Variants in PPFIBP2 observed in about 807,000 individuals in gnomAD.
PPFIBP2 encodes the protein liprin-beta-2.
PPFIBP2 carries 118 observed loss-of-function variants against 118.3 expected under a neutral mutation model. The ratio of observed to expected loss-of-function variants is 1.00; its 90% CI spans 0.86 to 1.16. PPFIBP2 has a LOEUF of 1.16. Ranked by LOEUF, PPFIBP2 falls within the 50% of genes most tolerant of loss-of-function variation. PPFIBP2 has a pLI of 0.00. For missense variants in PPFIBP2, 1,195 were observed against 1,073.1 expected (o/e 1.11, Z -1.59); for synonymous variants, 414 against 397.4 (o/e 1.04, Z -0.50).
At chr11:7,533,921 G>A (rs1337567933) in intron 1 of PPFIBP2, among the ~76,000 whole-genome samples, 1 of 152,218 alleles carries the variant, frequency 6.6e-6, no homozygotes, top group African/African-American at 2.4e-5. Flanking sequence ...GAGCAGAGGA[G>A]CATGTCATGA....
At chr11:7,642,542 C>A in intron 17 of PPFIBP2, 116 bp downstream of exon 17, 1 of 1,195,052 alleles carries the variant, frequency 8.4e-7, no homozygotes, top group Admixed American at 2.7e-5. Flanking sequence ...TTTCCATATT[C>A]TCTTCCCCAG....
intron 3 of PPFIBP2, among the ~76,000 whole-genome samples, chr11:7,568,088 A>G (rs1316919321): frequency 6.6e-6 from 1 of 152,210 alleles, no homozygotes; most frequent in Non-Finnish European, 1.5e-5. Flanking sequence ...CTCTGTAGAC[A>G]CATTGGCATT....
chr11:7,603,812 T>G (rs564394523), intron 5 of PPFIBP2, among the ~76,000 whole-genome samples: 12 of 152,266 alleles, frequency 7.9e-5, no homozygotes, highest in Non-Finnish European at 1.5e-4. Context: ...TAAACCTTTA[T>G]TACCCAGTTT....
intron 13 of PPFIBP2, among the ~76,000 whole-genome samples, chr11:7,634,940 A>G (rs1365615889): frequency 6.6e-6 from 1 of 152,162 alleles, no homozygotes; most frequent in Admixed American, 6.5e-5. Flanking sequence ...GGGACATCGT[A>G]TAGATTTTTT....
intron 1 of PPFIBP2, among the ~76,000 whole-genome samples, chr11:7,522,738 G>T (rs984889262): frequency 6.6e-6 from 1 of 152,198 alleles, no homozygotes; most frequent in Admixed American, 6.5e-5. Context: ...GGGCCCGAAG[G>T]CTCATGAGGC....
the PPFIBP2 span, chr11:7,666,655 A>G: frequency 4.8e-5 from 34 of 703,976 alleles, no homozygotes; most frequent in African/African-American, 4.8e-4. Flanking sequence ...CCACCACTCC[A>G]GCTGGAGTGC....
chr11:7,549,911 C>G (rs76633638), intron 2 of PPFIBP2, among the ~76,000 whole-genome samples: 1 of 152,150 alleles, frequency 6.6e-6, no homozygotes, highest in South Asian at 2.1e-4. Context: ...CAGACTTTGC[C>G]ACCTAATGCA....
intron 6 of PPFIBP2, among the ~76,000 whole-genome samples, chr11:7,619,643 T>C (rs1177802127): frequency 6.6e-6 from 1 of 152,204 alleles, no homozygotes; most frequent in African/African-American, 2.4e-5. Context: ...AGAGTGGTGG[T>C]GCCTGAGTGG....
chr11:7,635,521 A>T (rs764734551), intron 13 of PPFIBP2, 31 bp from the exon 14 acceptor site: 1 of 1,592,740 alleles, frequency 6.3e-7, no homozygotes, highest in Admixed American at 1.7e-5. Context: ...CTTTTTCTCC[A>T]CATAAACGAA....
chr11:7,662,228 G>C, the PPFIBP2 span, among the ~76,000 whole-genome samples: 3 of 152,212 alleles, frequency 2.0e-5, no homozygotes, highest in Admixed American at 2.0e-4. Flanking sequence ...AGTTGATGCA[G>C]TTTCTTCCTA....
chr11:7,641,683 A>G, intron 16 of PPFIBP2, 63 bp downstream of exon 16: 1 of 1,507,770 alleles, frequency 6.6e-7, no homozygotes, highest in Non-Finnish European at 9.1e-7. Context: ...TTGGGCAAAG[A>G]GTCTATGTAA....
At chr11:7,587,270 C>A (rs1343669668) in intron 3 of PPFIBP2, among the ~76,000 whole-genome samples, 1 of 152,178 alleles carries the variant, frequency 6.6e-6, no homozygotes, top group Non-Finnish European at 1.5e-5. Flanking sequence ...CTCAATTAGC[C>A]CCTGATGATA....
intron 14 of PPFIBP2, 30 bp downstream of exon 14, chr11:7,635,623 T>C: frequency 1.3e-6 from 2 of 1,580,424 alleles, no homozygotes; most frequent in Non-Finnish European, 1.7e-6. Context: ...CGTCGTCTAT[T>C]TGTGGTTACA....
At chr11:7,607,195 C>A (rs553488615) in intron 5 of PPFIBP2, among the ~76,000 whole-genome samples, 21 of 148,094 alleles carry the variant, frequency 1.4e-4, no homozygotes, top group African/African-American at 5.0e-4. Flanking sequence ...CAGGCGTGAG[C>A]CACCGCGCCC....
chr11:7,610,753 G>A (rs1482282318), intron 6 of PPFIBP2, among the ~76,000 whole-genome samples: 2 of 152,160 alleles, frequency 1.3e-5, no homozygotes, highest in East Asian at 1.9e-4. Flanking sequence ...AAATGACGAC[G>A]TACCGGAATG....
chr11:7,555,071 C>G (rs1382614847), intron 2 of PPFIBP2, among the ~76,000 whole-genome samples: 2 of 152,074 alleles, frequency 1.3e-5, no homozygotes, highest in African/African-American at 2.4e-5. Context: ...GCTTAATTAC[C>G]TCCCTCTGGA....
At chr11:7,570,712 G>A (rs1590291118) in intron 3 of PPFIBP2, among the ~76,000 whole-genome samples, 2 of 152,208 alleles carry the variant, frequency 1.3e-5, no homozygotes, top group East Asian at 1.9e-4. Context: ...GTGTGCTTGA[G>A]CAGGTGAAAG....
chr11:7,569,181 A>G (rs1338987476), intron 3 of PPFIBP2: 1 of 152,302 alleles, frequency 6.6e-6, no homozygotes, highest in Non-Finnish European at 1.5e-5. Flanking sequence ...AGTGCCTCCT[A>G]TTGGGTAGCT....
At chr11:7,632,801 G>A in intron 11 of PPFIBP2, 66 bp from the exon 12 acceptor site, 1 of 1,286,174 alleles carries the variant, frequency 7.8e-7, no homozygotes, top group African/African-American at 1.5e-5. Context: ...GTGAAGCAGG[G>A]GGAAAGATGG....
Sources: allele counts gnomAD v4.1 joint callset (sites outside exome capture counted in the v4.1 genomes callset), GRCh38; gene constraint gnomAD v4.1.1; transcripts MANE v1.5; gene names NCBI Gene and HGNC (gene_info 2026-07-23, HGNC 2026-07-21).